Variants in LRP6 observed in about 807,000 individuals in gnomAD.
The protein encoded by LRP6 is LDL receptor related protein 6.
LRP6 carries 43 observed loss-of-function variants against 184.1 expected under a neutral mutation model. The observed-to-expected ratio is 0.23, with a 90% CI of 0.18 to 0.30. The LOEUF (loss-of-function observed/expected upper bound fraction) is 0.30. LRP6 is among the 10% of genes least tolerant of loss of function. The probability of loss-of-function intolerance (pLI) is 1.00; values close to 1 mark genes in which losing one functional copy is unlikely to be tolerated. For missense variants in LRP6, 1,571 were observed against 2,005.3 expected, an observed-to-expected ratio of 0.78 and a Z score of 4.14; for synonymous variants, 719 against 684.9, an observed-to-expected ratio of 1.05 and a Z score of -0.78.
intron 2 of LRP6, among the ~76,000 whole-genome samples, chr12:12,225,663 G>A (rs144804170): frequency 7.2e-4 from 109 of 152,172 alleles, no homozygotes; most frequent in African/African-American, 2.5e-3. Context: ...CTTGAGGTCA[G>A]GAGTTTGAGA....
intron 15 of LRP6, chr12:12,139,009 TAG>T (rs1949890864): frequency 3.0e-6 from 4 of 1,317,918 alleles, no homozygotes; most frequent in African/African-American, 3.0e-5. Flanking sequence ...ATCTCAGACA[TAG>T]AGTCATCCAG....
At chr12:12,253,576 C>G (rs1451747848) in intron 1 of LRP6, among the ~76,000 whole-genome samples, 1 of 120,960 alleles carries the variant, frequency 8.3e-6, no homozygotes, top group Admixed American at 9.3e-5. Context: ...CCTCCCCCCT[C>G]CCCCCACCCC....
At chr12:12,192,269 C>T (rs970020391) in intron 3 of LRP6, among the ~76,000 whole-genome samples, 4 of 151,486 alleles carry the variant, frequency 2.6e-5, no homozygotes, top group Non-Finnish European at 5.9e-5. Context: ...AAATAATTAC[C>T]TTTAAAATCC....
rs527465663 is a variant in LRP6 at position 12,116,677 on chromosome 12, G to A, written c.*4449C>T. 7.2e-5 allele frequency: 11 copies of A among 152,258 alleles called. No individual in the cohort carries two copies. Among genetic ancestry groups the A allele is most frequent in the Non-Finnish European group, 1.3e-4 (9 of 68,016 alleles). 9.4% of individuals were successfully genotyped at this position (152,258 alleles called of 1,614,324 possible). Reference sequence around the variant, plus strand: ...GTGATGGTGGAGAATCTAACAGTTCGTTAGGTCTGTACTCTGCTTCTAAAT... The same window carrying A: ...GTGATGGTGGAGAATCTAACAGTTCATTAGGTCTGTACTCTGCTTCTAAAT... On this transcript the variant is annotated 3_prime_UTR_variant, in exon 23 of 23. Coordinates refer to ENST00000261349, the MANE Select transcript of LRP6 (RefSeq NM_002336.3).
intron 7 of LRP6, among the ~76,000 whole-genome samples, chr12:12,173,524 A>G (rs1227229885): frequency 1.3e-5 from 2 of 151,728 alleles, no homozygotes; most frequent in South Asian, 2.1e-4. Flanking sequence ...TGCATTTTTT[A>G]TAGAGATGGG....
rs929675480 is a variant in LRP6, at chr12:12,163,277, A to AC, written c.2053-859dup. Reference sequence around the variant, plus strand: ...CAGGCCTGAGTCACCGCACCCAGCCACCCCCCATTTTCAAGATGAGGAAAT... The same window carrying AC: ...CAGGCCTGAGTCACCGCACCCAGCCACCCCCCCATTTTCAAGATGAGGAAAT... On this transcript the variant is annotated intron_variant, in intron 9 of 22. Transcript: ENST00000261349. Among the ~76,000 whole-genome samples the AC allele has an allele frequency of 4.6e-5, 7 of 151,770 alleles. No individual in the cohort carries two copies. In the South Asian group the frequency reaches 8.3e-4, roughly 18 times the overall value.
intron 2 of LRP6, among the ~76,000 whole-genome samples, chr12:12,218,226 G>C (rs370137164): frequency 6.6e-6 from 1 of 152,032 alleles, no homozygotes. Flanking sequence ...TAGTCCCAGC[G>C]ACTGGGGAGG....
intron 2 of LRP6, among the ~76,000 whole-genome samples, chr12:12,243,392 C>T (rs1865110569): frequency 6.6e-6 from 1 of 152,088 alleles, no homozygotes; most frequent in Non-Finnish European, 1.5e-5. Context: ...AATAACGCTT[C>T]AGAGTGTAAC....
rs575142317 is a variant in LRP6 at position 12,185,445 on chromosome 12, T to G, written c.845-1334A>C. ...TGATCATCAGATTCCAACATAACAC[T>G]TTCAATATTTGATTATCTCCCCCTA... On this transcript the variant is annotated intron_variant, in intron 4 of 22. Coordinates refer to ENST00000261349, the MANE Select transcript of LRP6 (RefSeq NM_002336.3). Among the ~76,000 whole-genome samples, 313 of 112,936 alleles carry G rather than the reference T, an allele frequency of 2.8e-3. 1 individual carries two copies. Among genetic ancestry groups the G allele is most frequent in the African/African-American group, 0.014 (299 of 21,312 alleles). 74.1% of individuals were successfully genotyped at this position (112,936 alleles called of 152,430 possible).
chr12:12,188,059 A>G (rs1036175594), intron 3 of LRP6, among the ~76,000 whole-genome samples: 6 of 152,004 alleles, frequency 3.9e-5, no homozygotes, highest in African/African-American at 1.4e-4. Flanking sequence ...AAAATACAAA[A>G]AAATTAGCCA....
At chr12:12,134,124 A>G (rs2136871777) in intron 17 of LRP6, among the ~76,000 whole-genome samples, 1 of 152,298 alleles carries the variant, frequency 6.6e-6, no homozygotes, top group Admixed American at 6.5e-5. Flanking sequence ...TTATAGTTCG[A>G]CGAATAAAAT....
chr12:12,248,210 T>C (rs917037676), intron 1 of LRP6, among the ~76,000 whole-genome samples: 4 of 152,316 alleles, frequency 2.6e-5, no homozygotes, highest in South Asian at 4.1e-4. Flanking sequence ...GCTCTATCAA[T>C]TGTTCTGTAT....
At chr12:12,123,634 G>A (rs1949633342) in intron 22 of LRP6, among the ~76,000 whole-genome samples, 2 of 152,144 alleles carry the variant, frequency 1.3e-5, no homozygotes, top group Admixed American at 1.3e-4. Context: ...TCAAGCTACT[G>A]ATGGTCTGTT....
chr12:12,225,708 C>A (rs1270709987), intron 2 of LRP6, among the ~76,000 whole-genome samples: 2 of 151,842 alleles, frequency 1.3e-5, no homozygotes, highest in Non-Finnish European at 2.9e-5. Context: ...CCCATCGCTA[C>A]TAAAAATACA....
chr12:12,128,465 C>A (rs1369735351), intron 19 of LRP6, among the ~76,000 whole-genome samples: 2 of 152,126 alleles, frequency 1.3e-5, no homozygotes, highest in African/African-American at 4.8e-5. Flanking sequence ...CTAATGAGCA[C>A]CAAATCTCTC....
chr12:12,140,605 C>CTCT (rs1427181289), intron 15 of LRP6, among the ~76,000 whole-genome samples: 1,430 of 137,996 alleles, frequency 0.01, 33 homozygotes, highest in African/African-American at 0.035. Context: ...TTTTAAAAAT[C>CTCT]TTTTTTTTTT....
chr12:12,215,190 AATAAAC>A (rs1864309509), intron 2 of LRP6, among the ~76,000 whole-genome samples: 1 of 152,158 alleles, frequency 6.6e-6, no homozygotes, highest in South Asian at 2.1e-4. Context: ...CATCCTTACA[AATAAAC>A]ATAAAGTTAA....
At chr12:12,215,198 T>A (rs1488534743) in intron 2 of LRP6, among the ~76,000 whole-genome samples, 3 of 152,182 alleles carry the variant, frequency 2.0e-5, no homozygotes, top group Non-Finnish European at 4.4e-5. Flanking sequence ...CAAATAAACA[T>A]AAAGTTAACA....
chr12:12,147,700 A>G, intron 14 of LRP6, 144 bp from the exon 15 acceptor site: 1 of 703,402 alleles, frequency 1.4e-6, no homozygotes, highest in Non-Finnish European at 2.4e-6. Flanking sequence ...GACCAGGCAC[A>G]GTGGCTCATG....
Sources: gnomAD v4.1 joint callset for allele counts (sites outside exome capture counted in the v4.1 genomes callset) on GRCh38, gnomAD v4.1.1 for gene constraint, MANE v1.5 for transcripts, NCBI Gene and HGNC (gene_info 2026-07-23, HGNC 2026-07-21) for gene names.